The following OSGIN2 variants were observed in gnomAD, a reference collection of about 807,000 sequenced individuals.
The protein encoded by OSGIN2 is oxidative stress induced growth inhibitor family member 2.
OSGIN2 carries 19 observed loss-of-function variants against 53.8 expected under a neutral mutation model. The observed-to-expected ratio is 0.35, with a 90% CI of 0.25 to 0.52. The LOEUF (loss-of-function observed/expected upper bound fraction) is 0.52. Ranked by LOEUF, OSGIN2 falls within the 20% of genes least tolerant of loss-of-function variation. The pLI, the probability that OSGIN2 is intolerant of heterozygous loss-of-function variation, is 0.95. For missense variants in OSGIN2, 520 were observed against 662.7 expected (o/e 0.78, Z 2.36); for synonymous variants, 236 against 236.0 (o/e 1.00, Z 0.00).
intron 4 of OSGIN2, 143 bp from the exon 5 acceptor site, chr8:89,920,937 C>T (rs1809184787): frequency 3.9e-6 from 2 of 513,872 alleles, no homozygotes; most frequent in Admixed American, 3.2e-5. Flanking sequence ...GTAAGTTAGC[C>T]AACCATTTAG....
intron 2 of OSGIN2, among the ~76,000 whole-genome samples, chr8:89,912,404 T>G (rs1309879572): frequency 6.6e-6 from 1 of 152,126 alleles, no homozygotes; most frequent in African/African-American, 2.4e-5. Flanking sequence ...AGTAAAGAAG[T>G]TGACACAAGG....
chr8:89,914,360 G>C lies in OSGIN2; in HGVS notation c.336+147G>C, dbSNP rs1258015653. 4.3e-6 allele frequency: 3 copies of C among 702,710 alleles called. No homozygotes were observed. The African/African-American group carries it at 5.4e-5, about 13-fold the overall frequency. 43.5% of individuals were successfully genotyped at this position (702,710 alleles called of 1,614,324 possible). On this transcript the variant is annotated intron_variant, in intron 3 of 5. Coordinates refer to ENST00000451899, the MANE Select transcript of OSGIN2 (RefSeq NM_001126111.3). Reference sequence around the variant, plus strand: ...TTTTAGATTCGTAAATGTATTCTGAGTTACTTCTGTTTATTTTCTTGAATT... The same window carrying C: ...TTTTAGATTCGTAAATGTATTCTGACTTACTTCTGTTTATTTTCTTGAATT...
intron 1 of OSGIN2, among the ~76,000 whole-genome samples, chr8:89,908,386 G>C (rs1178469147): frequency 1.3e-5 from 2 of 152,156 alleles, no homozygotes; most frequent in African/African-American, 4.8e-5. Flanking sequence ...TCCTGAGGAA[G>C]TCTCGCCTAT....
chr8:89,919,698 A>G (rs1008161569), intron 4 of OSGIN2, among the ~76,000 whole-genome samples: 1 of 152,184 alleles, frequency 6.6e-6, no homozygotes, highest in African/African-American at 2.4e-5. Context: ...TTCAGGCACA[A>G]GGCTGAATTT....
chr8:89,915,640 A>T (rs993046518), intron 4 of OSGIN2, among the ~76,000 whole-genome samples: 2 of 152,212 alleles, frequency 1.3e-5, no homozygotes, highest in African/African-American at 4.8e-5. Flanking sequence ...CATTTGTTAT[A>T]CAAATTGATG....
rs969125831 is a variant in OSGIN2 at position 89,926,725 on chromosome 8, T to C, written c.*1193T>C. 6.6e-6 allele frequency: 1 copy of C among 152,074 alleles called. No homozygotes were observed. The highest frequency in any genetic ancestry group is 1.5e-5 in the Non-Finnish European group (1 of 68,016). 9.4% of individuals were successfully genotyped at this position (152,074 alleles called of 1,614,324 possible). The stretch of plus-strand genomic sequence containing the variant: ...AGACGAAAACATCTGAAGTTCTCCA[T>C]GGCAAATTGAATTTTTCAGTCATTT... On this transcript the variant is annotated 3_prime_UTR_variant, in exon 6 of 6. Transcript: ENST00000451899.
chr8:89,908,226 TC>T, intron 1 of OSGIN2, among the ~76,000 whole-genome samples: 1 of 152,192 alleles, frequency 6.6e-6, no homozygotes, highest in Admixed American at 6.5e-5. Flanking sequence ...TAAAACTTCC[TC>T]CCAAGGGTAG....
chr8:89,923,115 G>A (rs1809243582), intron 5 of OSGIN2, among the ~76,000 whole-genome samples: 1 of 152,066 alleles, frequency 6.6e-6, no homozygotes, highest in Non-Finnish European at 1.5e-5. Context: ...TGAATGTGAA[G>A]GCCTAGCACA....
chr8:89,920,940 C>T (rs1809187396), intron 4 of OSGIN2, 140 bp from the exon 5 acceptor site: 1 of 520,184 alleles, frequency 1.9e-6, no homozygotes, highest in Non-Finnish European at 3.4e-6. Context: ...AGTTAGCCAA[C>T]CATTTAGGAC....
In OSGIN2 at chr8:89,909,771, AC is replaced by A. The variant is rs747026477; in HGVS notation, c.199+51del. On this transcript the variant is annotated intron_variant, in intron 2 of 5. Transcript: ENST00000451899. ...AAAATTATAGTTAATGACCCTTAATACTTTTATAAATCTACAGTTAGTACAA... is the reference window on the plus strand; with the variant it reads ...AAAATTATAGTTAATGACCCTTAATATTTTATAAATCTACAGTTAGTACAA... 100 of 1,191,198 alleles carry A rather than the reference AC, an allele frequency of 8.4e-5. No homozygotes were observed. The Middle Eastern group carries it at 2.3e-3, about 27-fold the overall frequency. The allele number at this position is 1,191,198 out of a possible 1,614,324, so 73.8% of individuals were successfully genotyped here.
chr8:89,916,020 A>T lies in OSGIN2; in HGVS notation c.528+1274A>T, dbSNP rs187531802. Among the ~76,000 whole-genome samples, 14 of 151,778 alleles carry T rather than the reference A, an allele frequency of 9.2e-5. No individual in the cohort carries two copies. The East Asian group carries it at 2.7e-3, about 29-fold the overall frequency. The stretch of plus-strand genomic sequence containing the variant: ...TTTGACAAATGCCTGTAACTGTGAA[A>T]CCACCAATACAAGATAAGAAAGAAT... On this transcript the variant is annotated intron_variant, in intron 4 of 5. Coordinates refer to ENST00000451899, the MANE Select transcript of OSGIN2 (RefSeq NM_001126111.3).
intron 2 of OSGIN2, among the ~76,000 whole-genome samples, chr8:89,913,038 C>G (rs1809002938): frequency 1.3e-5 from 2 of 152,154 alleles, no homozygotes; most frequent in African/African-American, 4.8e-5. Context: ...TTTCAAAAGG[C>G]CAACCTCAGG....
Position 89,902,830 on chromosome 8 carries a change from C to A in OSGIN2, c.37C>A (p.His13Asn). The A allele has an allele frequency of 7.2e-7, 1 of 1,380,322 alleles. No individual in the cohort carries two copies. Among genetic ancestry groups the A allele is most frequent in the East Asian group, 3.0e-5 (1 of 32,976 alleles). The allele number at this position is 1,380,322 out of a possible 1,614,324, so 85.5% of individuals were successfully genotyped here. ...GTGCTGCCGCTGCTCCCTGGCCGGT[C>A]ATTTCAGGTGACTTCCTCGCCGGGG... The part of the protein sequence containing the change: ...VWCCRCSLAG[H>N]FRNYSDTETE... The change falls in exon 1 of 6, where the codon CAT (histidine) becomes AAT (asparagine). Residue 13 changes from histidine to asparagine, a missense_variant. By Grantham distance (68) the His-to-Asn change is moderately conservative. Around this residue, in one of 3 missense-constraint regions of OSGIN2, gnomAD observed 203 missense variants for 275.3 expected, o/e 0.74. Transcript: ENST00000451899.
intron 4 of OSGIN2, among the ~76,000 whole-genome samples, chr8:89,915,577 A>G (rs1398194755): frequency 6.6e-6 from 1 of 152,156 alleles, no homozygotes. Flanking sequence ...ATAATTGTTC[A>G]TCCTTCCTGT....
chr8:89,909,041 TATATATATAC>T (rs1358196150), intron 1 of OSGIN2, among the ~76,000 whole-genome samples: 2,420 of 95,556 alleles, frequency 0.025, 67 homozygotes, highest in South Asian at 0.067. Context: ...AAAAAAAATA[TATATATATAC>T]ATATATATAT....
At chr8:89,913,948 C>A in intron 2 of OSGIN2, 129 bp from the exon 3 acceptor site, 1 of 746,402 alleles carries the variant, frequency 1.3e-6, no homozygotes, top group Non-Finnish European at 2.2e-6. Context: ...CATGAAACAT[C>A]TGGTTTTAAG....
chr8:89,903,571 C>T (rs897513728), intron 1 of OSGIN2, among the ~76,000 whole-genome samples: 9 of 152,168 alleles, frequency 5.9e-5, no homozygotes, highest in Non-Finnish European at 1.2e-4. Flanking sequence ...CTATGTAAGA[C>T]TTCTTCCCTG....
chr8:89,909,405 C>T (rs2697672), intron 1 of OSGIN2, among the ~76,000 whole-genome samples, 162 bp from the exon 2 acceptor site: 6,459 of 152,088 alleles, frequency 0.042, 221 homozygotes, highest in Non-Finnish European at 0.066. Flanking sequence ...TGACATGTAG[C>T]GAAGCTACTA....
chr8:89,902,956 C>A, intron 1 of OSGIN2, 119 bp downstream of exon 1: 1 of 565,218 alleles, frequency 1.8e-6, no homozygotes, highest in Non-Finnish European at 2.6e-6. Flanking sequence ...CAGCGTCCTC[C>A]CGCCTCGGCC....
Sources: gnomAD v4.1 joint callset for allele counts (sites outside exome capture counted in the v4.1 genomes callset) on GRCh38, gnomAD v4.1.1 for gene constraint, gnomAD v4.1.1 regional missense constraint, MANE v1.5 for transcripts, NCBI Gene and HGNC (gene_info 2026-07-23, HGNC 2026-07-21) for gene names.